EPC1: variants seen among roughly 807,000 people sequenced by gnomAD.
EPC1 encodes the protein enhancer of polycomb homolog 1.
EPC1 carries 12 observed loss-of-function variants against 98.4 expected under a neutral mutation model. That is an observed-to-expected ratio of 0.12 (90% CI 0.08 to 0.20). EPC1 has a LOEUF of 0.20. Ranked by LOEUF, EPC1 falls within the 10% of genes least tolerant of loss-of-function variation. EPC1 has a pLI of 1.00. For synonymous variants in EPC1, 357 were observed against 363.9 expected (o/e 0.98, Z 0.21); for missense variants, 729 against 990.5 (o/e 0.74, Z 3.54).
intron 10 of EPC1, among the ~76,000 whole-genome samples, chr10:32,279,606 G>C (rs1350868363): frequency 1.3e-5 from 2 of 152,118 alleles, no homozygotes; most frequent in African/African-American, 4.8e-5. Flanking sequence ...AGATATGAGA[G>C]CTTAGAAAAA....
At chr10:32,351,179 C>T (rs1244535275), upstream of EPC1, among the ~76,000 whole-genome samples, 2 of 152,170 alleles carry the variant, frequency 1.3e-5, no homozygotes, top group African/African-American at 4.8e-5. Flanking sequence ...CATTCTGTAT[C>T]TTCCCTTCCC....
chr10:32,270,651 C>T (rs984217119), intron 13 of EPC1, among the ~76,000 whole-genome samples: 6 of 151,812 alleles, frequency 4.0e-5, no homozygotes, highest in African/African-American at 1.4e-4. Flanking sequence ...ATGGTGAAAC[C>T]CCGTCCCTGC....
At chr10:32,343,847 CAA>C in intron 1 of EPC1, among the ~76,000 whole-genome samples, 1 of 152,292 alleles carries the variant, frequency 6.6e-6, no homozygotes, top group South Asian at 2.1e-4. Flanking sequence ...GGATTTCTGT[CAA>C]GTATATCCAG....
At chr10:32,325,431 CAA>C (rs937348297) in intron 1 of EPC1, among the ~76,000 whole-genome samples, 79 of 152,116 alleles carry the variant, frequency 5.2e-4, no homozygotes, top group African/African-American at 1.8e-3. Context: ...CCTATGGAAA[CAA>C]GAGAAAATTC....
intron 1 of EPC1, among the ~76,000 whole-genome samples, chr10:32,369,528 C>A (rs983438586): frequency 2.6e-5 from 4 of 152,096 alleles, no homozygotes; most frequent in Non-Finnish European, 5.9e-5. Context: ...GCTAAGAAGG[C>A]AGACCAAAAA....
At chr10:32,311,262 G>A (rs980177826) in intron 1 of EPC1, among the ~76,000 whole-genome samples, 8 of 151,562 alleles carry the variant, frequency 5.3e-5, no homozygotes, top group East Asian at 3.9e-4. Context: ...GCAGTGAGCC[G>A]AGATTGCACC....
chr10:32,286,599 T>G, intron 9 of EPC1, 95 bp downstream of exon 9: 356 of 1,398,800 alleles, frequency 2.5e-4, no homozygotes, highest in Non-Finnish European at 3.1e-4. Flanking sequence ...TAGGAACTAA[T>G]GAGTTGTTCA....
chr10:32,311,571 A>C (rs1384598180), intron 1 of EPC1, among the ~76,000 whole-genome samples: 1 of 151,976 alleles, frequency 6.6e-6, no homozygotes, highest in Non-Finnish European at 1.5e-5. Flanking sequence ...TGAAATAATC[A>C]TTACCTTCTA....
chr10:32,366,116 A>G (rs1839597348), intron 1 of EPC1, among the ~76,000 whole-genome samples: 1 of 152,110 alleles, frequency 6.6e-6, no homozygotes, highest in African/African-American at 2.4e-5. Context: ...CTGGGCAACA[A>G]AAGCGAAACT....
rs534765399 is a variant in EPC1 at position 32,320,194 on chromosome 10, T to G, written c.154-14263A>C. On this transcript the variant is annotated intron_variant, in intron 1 of 13. Transcript: ENST00000319778. ...AAATTACTTCCAAATAATGGTTGTT[T>G]TTTTTTTTTAAATAAAGCTAAGAGC... Among the ~76,000 whole-genome samples, 171 of 146,214 alleles carry G rather than the reference T, an allele frequency of 1.2e-3. 1 individual carries two copies. The highest frequency in any genetic ancestry group is 3.8e-3 in the African/African-American group (138 of 35,936).
At chr10:32,318,938 A>G (rs1048046592) in intron 1 of EPC1, among the ~76,000 whole-genome samples, 7 of 152,178 alleles carry the variant, frequency 4.6e-5, no homozygotes, top group Non-Finnish European at 1.0e-4. Context: ...GCCTTGGGAA[A>G]CAGGTCCTCA....
intron 6 of EPC1, among the ~76,000 whole-genome samples, chr10:32,289,784 C>T (rs1445658943): frequency 1.3e-5 from 2 of 151,934 alleles, no homozygotes; most frequent in Non-Finnish European, 2.9e-5. Flanking sequence ...CCAGCACGCC[C>T]GGCTATTTTT....
chr10:32,280,003 A>T (rs1207669149), intron 10 of EPC1, among the ~76,000 whole-genome samples: 1 of 152,124 alleles, frequency 6.6e-6, no homozygotes, highest in Non-Finnish European at 1.5e-5. Context: ...CCTAACTCAC[A>T]CAATACTCAG....
At chr10:32,356,035 A>C (rs1023424038) in intron 1 of EPC1, among the ~76,000 whole-genome samples, 1 of 152,210 alleles carries the variant, frequency 6.6e-6, no homozygotes, top group Non-Finnish European at 1.5e-5. Flanking sequence ...AAATTTAGAG[A>C]AAAATTGTTA....
In EPC1 at chr10:32,300,724, G is replaced by A. The variant is rs78671815; in HGVS notation, c.313+5048C>T. On this transcript the variant is annotated intron_variant, in intron 2 of 13. Transcript: ENST00000319778. ...ACTGGGATTACAAGTGTGAGCCACCGCGTCCCGCCGATTTTTACTTTTTCA... is the reference window on the plus strand; with the variant it reads ...ACTGGGATTACAAGTGTGAGCCACCACGTCCCGCCGATTTTTACTTTTTCA... Among the ~76,000 whole-genome samples the A allele has an allele frequency of 6.4e-4, 98 of 152,126 alleles. 1 individual carries two copies. The East Asian group carries it at 0.018, about 28-fold the overall frequency.
intron 1 of EPC1, among the ~76,000 whole-genome samples, chr10:32,309,055 T>G (rs904134478): frequency 1.3e-5 from 2 of 152,162 alleles, no homozygotes; most frequent in African/African-American, 4.8e-5. Context: ...TTTCGCATAT[T>G]CTCGCTCATT....
intron 1 of EPC1, among the ~76,000 whole-genome samples, chr10:32,313,763 G>A (rs1836387185): frequency 6.6e-6 from 1 of 152,120 alleles, no homozygotes; most frequent in African/African-American, 2.4e-5. Context: ...GCGGGTGCCT[G>A]TAATCTCAGC....
intron 1 of EPC1, among the ~76,000 whole-genome samples, chr10:32,341,690 A>T (rs74809699): frequency 6.6e-6 from 1 of 152,238 alleles, no homozygotes; most frequent in Non-Finnish European, 1.5e-5. Context: ...ATAGGCATGT[A>T]AAGTGTTCAA....
At chr10:32,358,778 C>CTG (rs879494732) in intron 1 of EPC1, among the ~76,000 whole-genome samples, 10 of 152,052 alleles carry the variant, frequency 6.6e-5, no homozygotes, top group Non-Finnish European at 1.3e-4. Flanking sequence ...CATCATCTGT[C>CTG]TGAGTAGATG....
Sources: allele counts gnomAD v4.1 joint callset (sites outside exome capture counted in the v4.1 genomes callset), GRCh38; gene constraint gnomAD v4.1.1; transcripts MANE v1.5; gene names NCBI Gene and HGNC (gene_info 2026-07-23, HGNC 2026-07-21).